Variants in TDRD12 observed in about 807,000 individuals in gnomAD.
The protein encoded by TDRD12 is putative ATP-dependent RNA helicase TDRD12.
Under a neutral mutation model 133.5 loss-of-function variants are expected in TDRD12, and 158 were observed. That is an observed-to-expected ratio of 1.18 (90% CI 1.04 to 1.35). TDRD12 has a LOEUF of 1.35. TDRD12 is among the 40% of genes most tolerant of loss of function. TDRD12 has a pLI of 0.00. For missense variants in TDRD12, 1,443 were observed against 1,321.3 expected (o/e 1.09, Z -1.43); for synonymous variants, 460 against 477.9 (o/e 0.96, Z 0.49).
At chr19:32,737,068 T>C (rs1224534495) in intron 2 of TDRD12, among the ~76,000 whole-genome samples, 1 of 152,224 alleles carries the variant, frequency 6.6e-6, no homozygotes, top group Non-Finnish European at 1.5e-5. Context: ...TGTAGTAAAG[T>C]TTAAATATTT....
At chr19:32,818,266 G>A in intron 27 of TDRD12, 109 bp downstream of exon 27, 1 of 620,030 alleles carries the variant, frequency 1.6e-6, no homozygotes, top group Non-Finnish European at 2.9e-6. Context: ...CGGGCCGAGG[G>A]AAGGACTGGG....
chr19:32,773,657 C>A, intron 10 of TDRD12, 125 bp downstream of exon 10: 1 of 669,674 alleles, frequency 1.5e-6, no homozygotes, highest in Non-Finnish European at 2.6e-6. Flanking sequence ...ATGATCGTAC[C>A]ACTGTACTCC....
intron 2 of TDRD12, among the ~76,000 whole-genome samples, chr19:32,735,438 A>G (rs1969195298): frequency 6.6e-6 from 1 of 152,204 alleles, no homozygotes; most frequent in Non-Finnish European, 1.5e-5. Flanking sequence ...CAAGGTTAGG[A>G]AGCTGCAGGG....
intron 2 of TDRD12, among the ~76,000 whole-genome samples, chr19:32,736,529 A>G (rs925075750): frequency 2.0e-5 from 3 of 152,232 alleles, no homozygotes; most frequent in Non-Finnish European, 4.4e-5. Context: ...TTAACTATTC[A>G]TGGTATTTCT....
exon 28 of TDRD12, chr19:32,821,223 G>T (rs778333526): frequency 1.1e-5 from 13 of 1,138,242 alleles, no homozygotes; most frequent in Non-Finnish European, 1.6e-5. Context: ...TCTACTTTGA[G>T]ATGAAATGTA....
downstream of TDRD12, among the ~76,000 whole-genome samples, chr19:32,825,846 C>T (rs1367405607): frequency 6.6e-6 from 1 of 152,138 alleles, no homozygotes; most frequent in Non-Finnish European, 1.5e-5. This position sits in a 1 kb window ranked among gnomAD's most constrained non-coding sequence, Gnocchi z 4.1. Flanking sequence ...TACCATTGCA[C>T]TCCAGCCTGG....
chr19:32,723,426 T>C (rs967756641), intron 1 of TDRD12, among the ~76,000 whole-genome samples: 1 of 151,958 alleles, frequency 6.6e-6, no homozygotes, highest in Non-Finnish European at 1.5e-5. Flanking sequence ...AATTTTTTTA[T>C]TTTTAGTAGA....
chr19:32,771,214 A>C (rs2145595495), intron 8 of TDRD12, among the ~76,000 whole-genome samples: 1 of 152,294 alleles, frequency 6.6e-6, no homozygotes, highest in East Asian at 1.9e-4. Context: ...TCTGTCACCC[A>C]GGCTGGAGTG....
exon 10 of TDRD12, chr19:32,827,871 C>T (rs1967644146): frequency 6.6e-6 from 1 of 152,216 alleles, no homozygotes. Flanking sequence ...GCGCCTCTCG[C>T]CACTCACCCT....
intron 2 of TDRD12, among the ~76,000 whole-genome samples, chr19:32,737,673 G>T (rs1317388101): frequency 6.6e-6 from 1 of 152,122 alleles, no homozygotes; most frequent in Non-Finnish European, 1.5e-5. Flanking sequence ...GAGACTACAG[G>T]CACGTACCAC....
intron 21 of TDRD12, among the ~76,000 whole-genome samples, chr19:32,804,425 G>A (rs1279871015): frequency 6.6e-6 from 1 of 150,934 alleles, no homozygotes; most frequent in African/African-American, 2.4e-5. Context: ...CAGGTGCAGT[G>A]GCTCACACCT....
Position 32,757,131 on chromosome 19 carries a change from G to T in TDRD12, c.865+1G>T. The T allele has an allele frequency of 6.5e-7, 1 of 1,550,264 alleles. No individual in the cohort carries two copies. The highest frequency in any genetic ancestry group is 2.4e-5 in the East Asian group (1 of 40,920). On this transcript the variant is annotated splice_donor_variant, in intron 8 of 27. Transcript: ENST00000444215. LOFTEE classifies it high-confidence loss of function. Reference sequence around the variant, plus strand: ...CTCAGGCCAACAGCCACAGCACAGGGTGAGTTCTGCTAATGTGGTTTATTT... The same window carrying T: ...CTCAGGCCAACAGCCACAGCACAGGTTGAGTTCTGCTAATGTGGTTTATTT...
At chr19:32,792,697 A>G (rs1274730857) in intron 13 of TDRD12, among the ~76,000 whole-genome samples, 3 of 152,250 alleles carry the variant, frequency 2.0e-5, no homozygotes, top group Non-Finnish European at 4.4e-5. Context: ...CTAATGGACA[A>G]GAATTTCCAG....
exon 1 of TDRD12, chr19:32,719,770 C>G: frequency 2.0e-6 from 1 of 512,178 alleles, no homozygotes; most frequent in Non-Finnish European, 3.6e-6. Context: ...TCAAGGCCTG[C>G]TCAGCGTGCG....
chr19:32,775,446 C>T (rs781771699), intron 10 of TDRD12, among the ~76,000 whole-genome samples: 3 of 152,128 alleles, frequency 2.0e-5, no homozygotes, highest in Non-Finnish European at 4.4e-5. Context: ...TCCTCCGGCC[C>T]CAGCCTCCCA....
intron 1 of TDRD12, among the ~76,000 whole-genome samples, chr19:32,727,420 T>A (rs551948123): frequency 6.6e-6 from 1 of 152,202 alleles, no homozygotes; most frequent in Non-Finnish European, 1.5e-5. Flanking sequence ...ATAAGTTGAC[T>A]TTCTACTGTG....
At chr19:32,752,174 C>G (rs928128067) in intron 6 of TDRD12, among the ~76,000 whole-genome samples, 1 of 150,888 alleles carries the variant, frequency 6.6e-6, no homozygotes, top group South Asian at 2.1e-4. Flanking sequence ...ACACCCAGCC[C>G]CCTTCTTCAT....
chr19:32,800,513 A>T (rs1971357356), intron 17 of TDRD12, 131 bp from the exon 18 acceptor site: 2 of 944,322 alleles, frequency 2.1e-6, no homozygotes, highest in Non-Finnish European at 3.0e-6. Context: ...AAATACAATT[A>T]TAGTTGAATA....
At chr19:32,796,618 A>G (rs2145682329) in intron 14 of TDRD12, among the ~76,000 whole-genome samples, 1 of 152,186 alleles carries the variant, frequency 6.6e-6, no homozygotes, top group East Asian at 1.9e-4. Context: ...TGTTATTAGC[A>G]GCTGATTTAG....
Sources: gnomAD v4.1 joint callset for allele counts (sites outside exome capture counted in the v4.1 genomes callset) on GRCh38, gnomAD v4.1.1 for gene constraint, Gnocchi (gnomAD v3.1) non-coding constraint, MANE v1.5 for transcripts, NCBI Gene and HGNC (gene_info 2026-07-23, HGNC 2026-07-21) for gene names.